C11orf91: variants seen among roughly 807,000 people sequenced by gnomAD.
The protein encoded by C11orf91 is chromosome 11 open reading frame 91.
Under a neutral mutation model 14.3 loss-of-function variants are expected in C11orf91, and 10 were observed. The observed-to-expected ratio is 0.70, with a 90% confidence interval of 0.43 to 1.18. The LOEUF is 1.18. C11orf91 is among the 50% of genes most tolerant of loss of function. C11orf91 has a pLI of 0.00. For missense variants in C11orf91, 236 were observed against 269.0 expected, an observed-to-expected ratio of 0.88 and a Z score of 0.86; for synonymous variants, 141 against 130.6, an observed-to-expected ratio of 1.08 and a Z score of -0.54.
chr11:33,700,361 G>A lies in C11orf91; in HGVS notation c.380C>T (p.Pro127Leu). The A allele has an allele frequency of 6.5e-7, 1 of 1,535,256 alleles. No individual in the cohort carries two copies. Among genetic ancestry groups the A allele is most frequent in the Non-Finnish European group, 8.7e-7 (1 of 1,146,620 alleles). The change falls in exon 1 of 2, where the codon CCC (proline) becomes CTC (leucine). Residue 127 changes from proline to leucine, a missense_variant. Pro to Leu is a moderately conservative substitution (Grantham distance 98). Transcript: ENST00000379011. ...EVVASPLVPC[P>L]STPRLASASH... Reference sequence around the variant, plus strand: ...GGCAGAGGCGAGCCTGGGGGTCGAGGGGCAGGGGACCAGGGGCGAGGCAAC... The same window carrying A: ...GGCAGAGGCGAGCCTGGGGGTCGAGAGGCAGGGGACCAGGGGCGAGGCAAC...
At chr11:33,700,148 A>G in intron 1 of C11orf91, 97 bp downstream of exon 1, 1 of 1,331,282 alleles carries the variant, frequency 7.5e-7, no homozygotes, top group Non-Finnish European at 1.0e-6. Flanking sequence ...TGGGGGCTGG[A>G]GTCAAACCAG....
chr11:33,700,785 C>T lies in C11orf91; in HGVS notation c.-45G>A. On this transcript the variant is annotated 5_prime_UTR_variant, in exon 1 of 2. Transcript: ENST00000379011. ...GTGGGAGGAACCCCGCGCCGGGAGA[C>T]GCGCGCTCAGGCCCCGAGTCGCCGG... 4 of 1,263,266 alleles carry T rather than the reference C, an allele frequency of 3.2e-6. No individual in the cohort carries two copies. The highest frequency in any genetic ancestry group is 3.0e-6 in the Non-Finnish European group (3 of 1,005,788). The allele number at this position is 1,263,266 out of a possible 1,614,324, so 78.3% of individuals were successfully genotyped here.
upstream of C11orf91, chr11:33,703,236 T>C (rs1201389195): frequency 6.6e-6 from 1 of 152,176 alleles, no homozygotes; most frequent in African/African-American, 2.4e-5. Context: ...CTAACAAGTA[T>C]GCAAGAAAAC....
At chr11:33,699,144 T>A (rs1322560718) in intron 1 of C11orf91, among the ~76,000 whole-genome samples, 1 of 152,148 alleles carries the variant, frequency 6.6e-6, no homozygotes, top group Admixed American at 6.5e-5. Context: ...TTCTTAACTA[T>A]GAATACATAG....
chr11:33,700,201 G>C (rs1346806873), intron 1 of C11orf91, 44 bp downstream of exon 1: 1 of 1,509,558 alleles, frequency 6.6e-7, no homozygotes, highest in Non-Finnish European at 8.8e-7. Flanking sequence ...AGGGAGCTAG[G>C]GCAGGCTAAG....
chr11:33,702,365 C>T (rs1853142493), upstream of C11orf91, among the ~76,000 whole-genome samples: 1 of 152,106 alleles, frequency 6.6e-6, no homozygotes, highest in Non-Finnish European at 1.5e-5. Context: ...GGGAGGATTT[C>T]TTGAACCAAG....
At chr11:33,706,409 T>C in the C11orf91 span, 2 of 151,946 alleles carry the variant, frequency 1.3e-5, no homozygotes, top group Non-Finnish European at 2.9e-5. Context: ...TCACTGTAGG[T>C]TTTAGACTCT....
upstream of C11orf91, among the ~76,000 whole-genome samples, chr11:33,701,754 AGTGTGTGTGT>A (rs35903408): frequency 6.7e-6 from 1 of 148,926 alleles, no homozygotes; most frequent in Non-Finnish European, 1.5e-5. Flanking sequence ...CACAGTGCAA[AGTGTGTGTGT>A]GTGTGTGTGT....
chr11:33,703,340 GGTT>G (rs2133501602), upstream of C11orf91: 1 of 152,230 alleles, frequency 6.6e-6, no homozygotes, highest in South Asian at 2.1e-4. Flanking sequence ...AAAACCCTAC[GGTT>G]GTTTCTGCAA....
At chr11:33,702,107 A>C (rs1465600023), upstream of C11orf91, among the ~76,000 whole-genome samples, 1 of 152,134 alleles carries the variant, frequency 6.6e-6, no homozygotes, top group African/African-American at 2.4e-5. Flanking sequence ...TATTCATACA[A>C]GTGATCACTA....
chr11:33,698,927 T>G (rs831613), intron 1 of C11orf91, among the ~76,000 whole-genome samples: 2 of 151,740 alleles, frequency 1.3e-5, no homozygotes, highest in Non-Finnish European at 2.9e-5. Flanking sequence ...ATTACAAATG[T>G]GTGCCACCAA....
Position 33,700,672 on chromosome 11 carries a change from G to T in C11orf91, c.69C>A (p.Phe23Leu). 1 of 1,463,378 alleles carries T rather than the reference G, an allele frequency of 6.8e-7. No individual in the cohort carries two copies. 90.6% of individuals were successfully genotyped at this position (1,463,378 alleles called of 1,614,324 possible). A position where few individuals can be genotyped will look rare whatever the true frequency, so the allele number is the denominator to read the frequency against. ...MSQRSAPPLYFPSLYDRGISS... is the reference protein window; with the variant it reads ...MSQRSAPPLYLPSLYDRGISS... ...AGATGCCGCGGTCGTACAGGGACGG[G>T]AAATAGAGGGGCGGAGCCGACCGCT... Residue 23 changes from phenylalanine to leucine, a missense_variant, in exon 1 of 2, where the codon TTC becomes TTA. By Grantham distance (22) the Phe-to-Leu change is conservative. Transcript: ENST00000379011.
Position 33,698,285 on chromosome 11 carries a change from A to T in C11orf91, c.*144T>A, listed in dbSNP as rs1853059350. 1.6e-6 allele frequency: 1 copy of T among 627,302 alleles called. No individual in the cohort carries two copies. The highest frequency in any genetic ancestry group is 2.8e-6 in the Non-Finnish European group (1 of 351,468). 38.9% of individuals were successfully genotyped at this position (627,302 alleles called of 1,614,324 possible). A position where few individuals can be genotyped will look rare whatever the true frequency, so the allele number is the denominator to read the frequency against. On this transcript the variant is annotated 3_prime_UTR_variant, in exon 2 of 2. Transcript: ENST00000379011. ...ATTTACCACACAAAGTGGGCACTGT[A>T]TGTGAAGTACATGCTGGTAGCAACA... is the stretch of plus-strand genomic sequence containing the variant.
At chr11:33,698,573 C>A in intron 1 of C11orf91, 59 bp from the exon 2 acceptor site, 3 of 1,184,644 alleles carry the variant, frequency 2.5e-6, no homozygotes, top group Non-Finnish European at 3.6e-6. Flanking sequence ...CCTAACACTT[C>A]CAAAGCAAAC....
rs1345318253 is a variant in C11orf91, at chr11:33,700,324, C to T, written c.417G>A (p.Glu139=). 1.9e-5 allele frequency: 29 copies of T among 1,535,438 alleles called. No individual in the cohort carries two copies. Among genetic ancestry groups the T allele is most frequent in the Non-Finnish European group, 2.4e-5 (28 of 1,146,690 alleles). Residue 139 remains glutamate, a synonymous_variant, in exon 1 of 2, where the codon GAG becomes GAA. Transcript: ENST00000379011. The stretch of plus-strand genomic sequence containing the variant: ...TCCGGATCTCCAGCTCGCAGAGCTC[C>T]TCCGGGTGGGAGGCAGAGGCGAGCC... The part of the protein sequence containing the change: ...TPRLASASHP[E]ELCELEIRIK...
chr11:33,702,102 A>C (rs140531913), upstream of C11orf91, among the ~76,000 whole-genome samples: 2 of 152,286 alleles, frequency 1.3e-5, no homozygotes, highest in East Asian at 3.9e-4. Context: ...TTGTTTATTC[A>C]TACAAGTGAT....
chr11:33,702,270 A>G (rs1853140733), upstream of C11orf91, among the ~76,000 whole-genome samples: 1 of 152,184 alleles, frequency 6.6e-6, no homozygotes, highest in African/African-American at 2.4e-5. Context: ...CAGGGGCAAC[A>G]TAGCGAGATT....
chr11:33,700,798 C>G lies in C11orf91; in HGVS notation c.-58G>C, dbSNP rs967797192. The G allele has an allele frequency of 5.2e-5, 65 of 1,255,154 alleles. No individual in the cohort carries two copies. The highest frequency in any genetic ancestry group is 6.1e-5 in the Non-Finnish European group (61 of 1,001,532). The allele number at this position is 1,255,154 out of a possible 1,614,324, so 77.8% of individuals were successfully genotyped here. A position where few individuals can be genotyped will look rare whatever the true frequency, so the allele number is the denominator to read the frequency against. On this transcript the variant is annotated 5_prime_UTR_variant, in exon 1 of 2. Coordinates refer to ENST00000379011, the MANE Select transcript of C11orf91 (RefSeq NM_001166692.2). ...CGCGCCGGGAGACGCGCGCTCAGGC[C>G]CCGAGTCGCCGGGGTTTCGAGGTTC...
chr11:33,700,954 G>T (rs1853115888), upstream of C11orf91, among the ~76,000 whole-genome samples: 1 of 151,934 alleles, frequency 6.6e-6, no homozygotes, highest in African/African-American at 2.4e-5. Flanking sequence ...GCCGCACCCC[G>T]CAGTTAGAAA....
Sources: allele counts gnomAD v4.1 joint callset (sites outside exome capture counted in the v4.1 genomes callset), GRCh38; gene constraint gnomAD v4.1.1; transcripts MANE v1.5; gene names NCBI Gene and HGNC (gene_info 2026-07-23, HGNC 2026-07-21).